Variants in ADAMTSL1 observed in about 807,000 individuals in gnomAD.
The protein encoded by ADAMTSL1 is ADAMTS like 1, also known as ADAMTS-like protein 1.
A neutral mutation model predicts 201.8 loss-of-function variants in ADAMTSL1; 126 were observed. The observed-to-expected ratio is 0.62, with a 90% confidence interval of 0.54 to 0.72. The LOEUF is 0.72. Among genes scored for constraint, ADAMTSL1 ranks in the 30% least tolerant of loss-of-function variants. The pLI is 0.00. For missense variants in ADAMTSL1, 2,679 were observed against 2,277.8 expected (o/e 1.18, Z -3.59); for synonymous variants, 1,121 against 903.4 (o/e 1.24, Z -4.32).
At chr9:18,742,772 G>A (rs10756984) in intron 15 of ADAMTSL1, among the ~76,000 whole-genome samples, 73,043 of 151,972 alleles carry the variant, frequency 0.48, 17,965 homozygotes, top group South Asian at 0.61. Flanking sequence ...GGTTCATTTA[G>A]TGGAAGGTTT....
chr9:18,161,591 A>C (rs1458665364), intron 1 of ADAMTSL1, among the ~76,000 whole-genome samples: 2 of 152,086 alleles, frequency 1.3e-5, no homozygotes, highest in Non-Finnish European at 2.9e-5. Context: ...TCTCAAAAAG[A>C]GAATTGCATA....
At chr9:18,367,269 G>T (rs994272106) in intron 2 of ADAMTSL1, among the ~76,000 whole-genome samples, 3 of 152,022 alleles carry the variant, frequency 2.0e-5, no homozygotes. Flanking sequence ...CAATTCCCAG[G>T]AATGCATGAA....
chr9:17,993,128 C>A (rs1404878830), intron 1 of ADAMTSL1, among the ~76,000 whole-genome samples: 1 of 151,940 alleles, frequency 6.6e-6, no homozygotes, highest in Non-Finnish European at 1.5e-5. Context: ...TAGAGGTTTA[C>A]AAAGCAGCTC....
chr9:18,826,611 C>A (rs1475616052), intron 22 of ADAMTSL1, 148 bp downstream of exon 22: 7 of 974,436 alleles, frequency 7.2e-6, no homozygotes, highest in African/African-American at 6.6e-5. Context: ...TAGGGCCTTT[C>A]GATAGAACAC....
chr9:18,862,254 G>A (rs997897829), intron 23 of ADAMTSL1, among the ~76,000 whole-genome samples: 1 of 152,148 alleles, frequency 6.6e-6, no homozygotes, highest in Non-Finnish European at 1.5e-5. Flanking sequence ...GGTAAAGGGC[G>A]TTATTTCTTT....
chr9:17,970,053 AAGTAGT>A (rs1390729511), intron 1 of ADAMTSL1, among the ~76,000 whole-genome samples: 1 of 152,032 alleles, frequency 6.6e-6, no homozygotes, highest in African/African-American at 2.4e-5. Context: ...GCTAATCTTC[AAGTAGT>A]ATATTCAGAT....
rs200762449 is a variant in ADAMTSL1 at position 18,823,504 on chromosome 9, C to T, written c.3935-2780C>T. ...GGGGAGTGAGAAATAGCTCCCAGGT[C>T]TGCTTCCATCCCTGGGTTCTCTCCC... On this transcript the variant is annotated intron_variant, in intron 21 of 28. Transcript: ENST00000380548. Among the ~76,000 whole-genome samples, 20 of 152,262 alleles carry T rather than the reference C, an allele frequency of 1.3e-4. No individual in the cohort carries two copies. In the East Asian group the frequency reaches 3.5e-3, roughly 27 times the overall value.
chr9:18,782,429 C>T (rs1588101369), intron 19 of ADAMTSL1, among the ~76,000 whole-genome samples: 2 of 152,158 alleles, frequency 1.3e-5, no homozygotes, highest in African/African-American at 4.8e-5. Context: ...AAAAGAGCAC[C>T]GCTCATCATT....
chr9:17,990,215 T>C (rs1452433578), intron 1 of ADAMTSL1, among the ~76,000 whole-genome samples: 2 of 152,034 alleles, frequency 1.3e-5, no homozygotes, highest in African/African-American at 2.4e-5. Context: ...TCTTCCGTCA[T>C]ATGTCTATAA....
At chr9:18,497,715 T>C (rs560749801) in intron 1 of ADAMTSL1, among the ~76,000 whole-genome samples, 19 of 152,358 alleles carry the variant, frequency 1.2e-4, no homozygotes, top group African/African-American at 4.6e-4. Flanking sequence ...GAAAATTTCC[T>C]GAATACTAAC....
At chr9:18,236,988 C>T (rs61086890) in intron 2 of ADAMTSL1, among the ~76,000 whole-genome samples, 1 of 152,182 alleles carries the variant, frequency 6.6e-6, no homozygotes, top group East Asian at 1.9e-4. Flanking sequence ...AATCTTTACA[C>T]AGATAACATT....
intron 1 of ADAMTSL1, among the ~76,000 whole-genome samples, chr9:18,005,227 A>G (rs958555079): frequency 7.2e-5 from 11 of 152,192 alleles, no homozygotes; most frequent in African/African-American, 2.6e-4. Context: ...GATGGGAGAC[A>G]AGTCTATAGG....
At chr9:18,373,409 A>T (rs747571423) in intron 2 of ADAMTSL1, among the ~76,000 whole-genome samples, 17 of 152,206 alleles carry the variant, frequency 1.1e-4, no homozygotes, top group Non-Finnish European at 2.2e-4. Flanking sequence ...AGCGCCTTAT[A>T]ATATTCCAGT....
intron 2 of ADAMTSL1, among the ~76,000 whole-genome samples, chr9:18,435,225 G>C (rs920744872): frequency 2.6e-5 from 4 of 152,092 alleles, no homozygotes; most frequent in African/African-American, 9.7e-5. Context: ...AGATACTTTA[G>C]GAAATAAAAA....
chr9:18,332,233 G>T (rs1352411687), intron 2 of ADAMTSL1, among the ~76,000 whole-genome samples: 1 of 152,148 alleles, frequency 6.6e-6, no homozygotes, highest in Non-Finnish European at 1.5e-5. Context: ...ATCTTACATA[G>T]ATGTAAACAT....
chr9:18,422,892 T>C (rs1450738918), intron 2 of ADAMTSL1, among the ~76,000 whole-genome samples: 1 of 152,208 alleles, frequency 6.6e-6, no homozygotes, highest in East Asian at 1.9e-4. Context: ...TGAGATAAAC[T>C]TGCCCTCTAA....
In ADAMTSL1 at chr9:18,210,204, T is replaced by G. The variant is rs151112956; in HGVS notation, c.207+46223T>G. On this transcript the variant is annotated intron_variant, in intron 2 of 29. Coordinates refer to the ADAMTSL1 transcript ENST00000680146. Reference sequence around the variant, plus strand: ...CAGCTAATACTCCATTTTCTTTCTTTCCTTTCTCTTTCCCTCCAAATATAA... The same window carrying G: ...CAGCTAATACTCCATTTTCTTTCTTGCCTTTCTCTTTCCCTCCAAATATAA... Among the ~76,000 whole-genome samples, 121 of 151,740 alleles carry G rather than the reference T, an allele frequency of 8.0e-4. 1 individual carries two copies. The highest frequency in any genetic ancestry group is 2.8e-3 in the African/African-American group (116 of 41,438).
intron 1 of ADAMTSL1, among the ~76,000 whole-genome samples, chr9:18,134,616 G>T (rs996517147): frequency 6.6e-6 from 1 of 152,160 alleles, no homozygotes; most frequent in Non-Finnish European, 1.5e-5. Context: ...ATTTGACACT[G>T]AAGAAGTACT....
At chr9:18,350,873 C>G (rs2133024917) in intron 2 of ADAMTSL1, among the ~76,000 whole-genome samples, 1 of 152,206 alleles carries the variant, frequency 6.6e-6, no homozygotes, top group South Asian at 2.1e-4. Context: ...ATGATATTCT[C>G]AAATTTTTCT....
Sources: gnomAD v4.1 joint callset for allele counts (sites outside exome capture counted in the v4.1 genomes callset) on GRCh38, gnomAD v4.1.1 for gene constraint, MANE v1.5 for transcripts, NCBI Gene and HGNC (gene_info 2026-07-23, HGNC 2026-07-21) for gene names.